SSBP4: variants seen among roughly 807,000 people sequenced by gnomAD.
The protein encoded by SSBP4 is single stranded DNA binding protein 4, also known as single-stranded DNA-binding protein 4.
A neutral mutation model predicts 64.6 loss-of-function variants in SSBP4; 33 were observed. That is an observed-to-expected ratio of 0.51 (90% CI 0.39 to 0.68). SSBP4 has a LOEUF of 0.68. Ranked by LOEUF, SSBP4 falls within the 30% of genes least tolerant of loss-of-function variation. The pLI is 0.00. For missense variants in SSBP4, 583 were observed against 566.8 expected, an observed-to-expected ratio of 1.03 and a Z score of -0.29; for synonymous variants, 243 against 224.0, an observed-to-expected ratio of 1.08 and a Z score of -0.76.
At chr19:18,425,034 AGAG>A (rs1297320636) in intron 1 of SSBP4, among the ~76,000 whole-genome samples, 5 of 142,756 alleles carry the variant, frequency 3.5e-5, no homozygotes, top group South Asian at 2.4e-4. Context: ...CAGGGAGAGC[AGAG>A]GAGAAGACAG....
Position 18,419,568 on chromosome 19 carries a change from G to C in SSBP4, c.-81G>C. The C allele has an allele frequency of 8.4e-7, 1 of 1,192,502 alleles. No individual in the cohort carries two copies. The highest frequency in any genetic ancestry group is 2.8e-5 in the South Asian group (1 of 35,614). 73.9% of individuals were successfully genotyped at this position (1,192,502 alleles called of 1,614,324 possible). A position where few individuals can be genotyped will look rare whatever the true frequency, so the allele number is the denominator to read the frequency against. ...CTCGGGGCGGTGAGGCCCGGGGCGC[G>C]GGGTAGCTATGGCGACGGCAAGCGC... On this transcript the variant is annotated 5_prime_UTR_variant, in exon 1 of 18. Transcript: ENST00000270061.
At chr19:18,419,829 A>T in intron 1 of SSBP4, 122 bp downstream of exon 1, 3 of 653,590 alleles carry the variant, frequency 4.6e-6, no homozygotes, top group Non-Finnish European at 5.9e-6. Flanking sequence ...AGCGCGCTCG[A>T]GGGGTCGCGA....
intron 4 of SSBP4, among the ~76,000 whole-genome samples, chr19:18,430,437 AG>A: frequency 6.6e-6 from 1 of 151,762 alleles, no homozygotes. Flanking sequence ...TCCTGGACGA[AG>A]GGCAGGGTGG....
intron 17 of SSBP4, 74 bp from the exon 18 acceptor site, chr19:18,434,143 T>C (rs1973805120): frequency 1.9e-6 from 3 of 1,601,222 alleles, no homozygotes; most frequent in Admixed American, 3.4e-5. Context: ...TCCCCCATTG[T>C]CCCTGGGGGC....
chr19:18,419,453 CG>C lies in SSBP4; in HGVS notation c.-192del. On this transcript the variant is annotated 5_prime_UTR_variant, in exon 1 of 18. Coordinates refer to ENST00000270061, the MANE Select transcript of SSBP4 (RefSeq NM_032627.5). ...GGAGGAAAAAAAGCCACCCTGCGGC[CG>C]GGGCCGGAGCTGGAGCCGCCGCTGC... 1.9e-6 allele frequency: 2 copies of C among 1,062,112 alleles called. No individual in the cohort carries two copies. Among genetic ancestry groups the C allele is most frequent in the Admixed American group, 5.4e-5 (1 of 18,550 alleles). The allele number at this position is 1,062,112 out of a possible 1,614,324, so 65.8% of individuals were successfully genotyped here. A position where few individuals can be genotyped will look rare whatever the true frequency, so the allele number is the denominator to read the frequency against.
Position 18,430,828 on chromosome 19 carries a change from C to G in SSBP4, c.280-13C>G, listed in dbSNP as rs770422718. Reference sequence around the variant, plus strand: ...TCCTGACCTGGCCCTCTGGGTTTCCCGCACCCTTACAGAGTGCTGCAGCCG... The same window carrying G: ...TCCTGACCTGGCCCTCTGGGTTTCCGGCACCCTTACAGAGTGCTGCAGCCG... On this transcript the variant is annotated splice_polypyrimidine_tract_variant and intron_variant, in intron 4 of 17. Transcript: ENST00000270061. The G allele has an allele frequency of 1.2e-6, 2 of 1,602,368 alleles. No homozygotes were observed. Among genetic ancestry groups the G allele is most frequent in the Non-Finnish European group, 8.5e-7 (1 of 1,173,324 alleles).
the SSBP4 span, among the ~76,000 whole-genome samples, chr19:18,409,699 G>A: frequency 5.3e-5 from 8 of 151,946 alleles, no homozygotes; most frequent in African/African-American, 1.7e-4. Flanking sequence ...TTTATTTTTT[G>A]TAGAGACAGG....
chr19:18,419,446 C>G lies in SSBP4; in HGVS notation c.-203C>G, dbSNP rs558043524. 1,692 of 1,055,612 alleles carry G rather than the reference C, an allele frequency of 1.6e-3. 24 individuals carry two copies. The African/African-American group carries it at 0.026, about 16-fold the overall frequency. The allele number at this position is 1,055,612 out of a possible 1,614,324, so 65.4% of individuals were successfully genotyped here. Reference sequence around the variant, plus strand: ...AGGAAAGGGAGGAAAAAAAGCCACCCTGCGGCCGGGGCCGGAGCTGGAGCC... The same window carrying G: ...AGGAAAGGGAGGAAAAAAAGCCACCGTGCGGCCGGGGCCGGAGCTGGAGCC... On this transcript the variant is annotated 5_prime_UTR_variant, in exon 1 of 18. Coordinates refer to ENST00000270061, the MANE Select transcript of SSBP4 (RefSeq NM_032627.5).
At position 18,426,573 on chromosome 19, in the gene SSBP4, C is replaced by A. The variant is rs566602092; in HGVS notation, c.60-778C>A. 3.9e-5 allele frequency among the ~76,000 whole-genome samples: 6 copies of A among 152,180 alleles called. No homozygotes were observed. Among genetic ancestry groups the A allele is most frequent in the Admixed American group, 6.5e-5 (1 of 15,282 alleles). ...AGCGGGGTGGACAGTCCGGCCTCCC[C>A]CTGTGACCTGCAGAGGGCCGTGCTG... is the stretch of plus-strand genomic sequence containing the variant. On this transcript the variant is annotated intron_variant, in intron 1 of 17. Coordinates refer to ENST00000270061, the MANE Select transcript of SSBP4 (RefSeq NM_032627.5). The surrounding 1 kb of genome is among the most constrained non-coding windows in gnomAD (Gnocchi z 4.5).
In SSBP4 at chr19:18,427,747, T is replaced by C; in HGVS notation, c.133-5T>C. ...CACCCCCTCACCACCTTCCTTTCCC[T>C]GCAGATCCGATGGGAGAAGAACATC... On this transcript the variant is annotated splice_polypyrimidine_tract_variant and splice_region_variant and intron_variant, in intron 2 of 17. Coordinates refer to ENST00000270061, the MANE Select transcript of SSBP4 (RefSeq NM_032627.5). The surrounding 1 kb of genome is among the most constrained non-coding windows in gnomAD (Gnocchi z 4.4). 1 of 1,584,122 alleles carries C rather than the reference T, an allele frequency of 6.3e-7. No individual in the cohort carries two copies. Among genetic ancestry groups the C allele is most frequent in the Non-Finnish European group, 8.6e-7 (1 of 1,159,582 alleles).
chr19:18,414,285 G>C (rs376173941), upstream of SSBP4, among the ~76,000 whole-genome samples: 30 of 152,260 alleles, frequency 2.0e-4, no homozygotes, highest in East Asian at 1.2e-3. Flanking sequence ...CTCACATGAC[G>C]TCCTTGGTTC....
rs1262038427 is a variant in SSBP4, at chr19:18,431,820, C to A, written c.523C>A (p.Pro175Thr). Residue 175 changes from proline (P) to threonine (T), a missense_variant, in exon 8 of 18, where the codon CCC becomes ACC. Physicochemically the swap from Pro to Thr is conservative, Grantham distance 38. Transcript: ENST00000270061. ...TCCCGCAGGCCTCCCTGGCTCCCAG[C>A]CCCTCCTCCCTGGCGCCATGGAGCC... ...QPPAGLPGSQ[P>T]LLPGAMEPSP... The A allele has an allele frequency of 6.4e-7, 1 of 1,566,478 alleles. No homozygotes were observed. The highest frequency in any genetic ancestry group is 2.4e-5 in the East Asian group (1 of 42,180).
At chr19:18,419,397 C>A (rs1972262887), upstream of SSBP4, 1 of 1,031,480 alleles carries the variant, frequency 9.7e-7, no homozygotes, top group African/African-American at 1.7e-5. Flanking sequence ...GGGGAGCGCG[C>A]GTTTCCCGGA....
intron 15 of SSBP4, 144 bp downstream of exon 15, chr19:18,433,357 C>T (rs12973950): frequency 7.8e-7 from 1 of 1,275,510 alleles, no homozygotes; most frequent in Non-Finnish European, 1.1e-6. Context: ...GTGACAGGGG[C>T]TGCCCCGAGC....
chr19:18,431,054 C>CTGTGCCGCAGG, intron 5 of SSBP4, 124 bp downstream of exon 5: 1 of 1,183,136 alleles, frequency 8.5e-7, no homozygotes, highest in South Asian at 1.3e-5. Context: ...GGAGGGTCCT[C>CTGTGCCGCAGG]TGTGCCGCAG....
intron 15 of SSBP4, 93 bp downstream of exon 15, chr19:18,433,306 G>A (rs1367376149): frequency 2.7e-6 from 4 of 1,473,278 alleles, no homozygotes; most frequent in Non-Finnish European, 3.7e-6. Flanking sequence ...CTGCCGGGTG[G>A]AGGCGTCTAG....
At chr19:18,409,187 CT>C in the SSBP4 span, among the ~76,000 whole-genome samples, 9,008 of 134,844 alleles carry the variant, frequency 0.067, 653 homozygotes, top group African/African-American at 0.22. Context: ...AGTGGCCATT[CT>C]TTTTTTTTTT....
the SSBP4 span, among the ~76,000 whole-genome samples, chr19:18,413,316 G>A: frequency 6.6e-6 from 1 of 152,008 alleles, no homozygotes; most frequent in Admixed American, 6.6e-5. Context: ...TCAAGAGATT[G>A]TCCTGCCTCA....
chr19:18,426,401 C>CT lies in SSBP4; in HGVS notation c.60-949dup, dbSNP rs1416585696. On this transcript the variant is annotated intron_variant, in intron 1 of 17. Coordinates refer to ENST00000270061, the MANE Select transcript of SSBP4 (RefSeq NM_032627.5). The surrounding 1 kb of genome is among the most constrained non-coding windows in gnomAD (Gnocchi z 4.5). ...AGAGTCCCCCAACCCCCAGCAGACT[C>CT]TCGTGGTCCCTAGCTGGACAGTACA... Among the ~76,000 whole-genome samples, 2 of 152,212 alleles carry CT rather than the reference C, an allele frequency of 1.3e-5. No individual in the cohort carries two copies. The highest frequency in any genetic ancestry group is 2.9e-5 in the Non-Finnish European group (2 of 68,034).
Sources: gnomAD v4.1 joint callset for allele counts (sites outside exome capture counted in the v4.1 genomes callset) on GRCh38, gnomAD v4.1.1 for gene constraint, Gnocchi (gnomAD v3.1) non-coding constraint, MANE v1.5 for transcripts, NCBI Gene and HGNC (gene_info 2026-07-23, HGNC 2026-07-21) for gene names.